The following HBP1 variants were observed in gnomAD, a reference collection of about 807,000 sequenced individuals.
HBP1 encodes the protein HMG box-containing protein 1.
HBP1 carries 20 observed loss-of-function variants against 62.6 expected under a neutral mutation model. That is an observed-to-expected ratio of 0.32 (90% CI 0.22 to 0.46). The LOEUF is 0.46. HBP1 is among the 20% of genes least tolerant of loss of function. The probability of loss-of-function intolerance (pLI) is 1.00; values close to 1 mark genes in which losing one functional copy is unlikely to be tolerated. For synonymous variants in HBP1, 232 were observed against 206.2 expected (o/e 1.12, Z -1.07); for missense variants, 480 against 611.8 (o/e 0.78, Z 2.27).
rs145130447 is a variant in HBP1 at position 107,180,417 on chromosome 7, A to C, written c.169+355A>C. ...TCTTCGTGGCAGATTTGCTGGTATG[A>C]TGTGGAAATTACAGTGGACCCTTGA... On this transcript the variant is annotated intron_variant, in intron 2 of 10. Coordinates refer to ENST00000222574, the MANE Select transcript of HBP1 (RefSeq NM_012257.4). Among the ~76,000 whole-genome samples the C allele has an allele frequency of 1.6e-3, 237 of 152,352 alleles. 1 individual carries two copies. Among genetic ancestry groups the C allele is most frequent in the African/African-American group, 5.3e-3 (222 of 41,578 alleles).
At chr7:107,192,374 A>G (rs1411605779) in intron 8 of HBP1, among the ~76,000 whole-genome samples, 2 of 151,996 alleles carry the variant, frequency 1.3e-5, no homozygotes, top group African/African-American at 2.4e-5. Flanking sequence ...GAAACACTGT[A>G]TCTTATATAT....
At chr7:107,195,153 C>G (rs554084950) in intron 8 of HBP1, among the ~76,000 whole-genome samples, 1 of 152,322 alleles carries the variant, frequency 6.6e-6, no homozygotes, top group South Asian at 2.1e-4. Flanking sequence ...ACCCGAATAG[C>G]TGGGATTACA....
chr7:107,174,479 A>T, intron 1 of HBP1: 1 of 985,378 alleles, frequency 1.0e-6, no homozygotes, highest in Non-Finnish European at 1.2e-6. Context: ...TAACTAAGAC[A>T]AAGTGCTGAA....
intron 8 of HBP1, chr7:107,193,025 T>A (rs1797728541): frequency 6.6e-6 from 1 of 152,132 alleles, no homozygotes; most frequent in Admixed American, 6.5e-5. Flanking sequence ...GACATGTGAG[T>A]AGTTTCTAGC....
intron 8 of HBP1, chr7:107,192,775 T>A (rs1441570259): frequency 6.6e-6 from 1 of 152,140 alleles, no homozygotes; most frequent in African/African-American, 2.4e-5. Flanking sequence ...TACTGTTGAG[T>A]GACTTCAATA....
Position 107,189,447 on chromosome 7 carries a change from AG to A in HBP1, c.922+1del. The part of the protein sequence containing the change: ...LDHPFYVKNK[G>X]WSSFYPSLTV... Reference sequence around the variant, plus strand: ...ACCACCCTTTCTATGTTAAAAATAAAGGTAGGGCTTGAATTGCATTTGTAGT... The same window carrying A: ...ACCACCCTTTCTATGTTAAAAATAAAGTAGGGCTTGAATTGCATTTGTAGT... On this transcript the variant is annotated frameshift_variant and splice_region_variant, in exon 7 of 11. Transcript: ENST00000222574. LOFTEE classifies it high-confidence loss of function. 6.2e-7 allele frequency: 1 copy of A among 1,602,548 alleles called. No individual in the cohort carries two copies. The highest frequency in any genetic ancestry group is 8.5e-7 in the Non-Finnish European group (1 of 1,173,950).
Position 107,186,414 on chromosome 7 carries a change from T to C in HBP1, c.594T>C (p.Asp198=). 1 of 1,613,654 alleles carries C rather than the reference T, an allele frequency of 6.2e-7. No homozygotes were observed. The highest frequency in any genetic ancestry group is 2.2e-5 in the East Asian group (1 of 44,864). The change falls in exon 5 of 11, where the codon GAT becomes GAC. Residue 198 remains aspartate (D), a synonymous_variant. Transcript: ENST00000222574. The part of the protein sequence containing the change: ...GIFCMSSLSD[D]DDLGWCNSWP... The stretch of plus-strand genomic sequence containing the variant: ...TCTGCATGTCCTCCCTGTCAGATGA[T>C]GATGATTTGGGATGGTGCAATTCCT...
intron 1 of HBP1, among the ~76,000 whole-genome samples, chr7:107,176,387 T>C (rs1796852888): frequency 6.6e-6 from 1 of 152,220 alleles, no homozygotes; most frequent in Non-Finnish European, 1.5e-5. Flanking sequence ...CATTTGCTTA[T>C]ATCTTTCCAC....
At chr7:107,182,737 AATG>A (rs1797169193) in intron 3 of HBP1, 136 bp downstream of exon 3, 1 of 572,960 alleles carries the variant, frequency 1.7e-6, no homozygotes, top group African/African-American at 1.9e-5. Context: ...CTCCTTATCT[AATG>A]ATCAAAGACT....
chr7:107,193,930 G>A (rs1471361878), intron 8 of HBP1, among the ~76,000 whole-genome samples: 2 of 152,172 alleles, frequency 1.3e-5, no homozygotes, highest in Admixed American at 6.5e-5. Context: ...ATGTGACATG[G>A]TTAATAGGCA....
At chr7:107,178,757 G>A (rs1188528589) in intron 1 of HBP1, among the ~76,000 whole-genome samples, 1 of 152,098 alleles carries the variant, frequency 6.6e-6, no homozygotes, top group South Asian at 2.1e-4. Flanking sequence ...TTTTGGCCAG[G>A]TGCGGTGGCT....
At chr7:107,181,382 G>A (rs1439428187) in intron 2 of HBP1, among the ~76,000 whole-genome samples, 1 of 152,070 alleles carries the variant, frequency 6.6e-6, no homozygotes, top group Non-Finnish European at 1.5e-5. Flanking sequence ...AGAGGCGTGA[G>A]GATCATTTGA....
At chr7:107,192,830 TATC>T (rs1385087782) in intron 8 of HBP1, 1 of 152,176 alleles carries the variant, frequency 6.6e-6, no homozygotes, top group Non-Finnish European at 1.5e-5. Flanking sequence ...AAATGGGTGG[TATC>T]ATCATGGAGA....
chr7:107,194,389 G>T (rs1797788191), intron 8 of HBP1, among the ~76,000 whole-genome samples: 2 of 152,192 alleles, frequency 1.3e-5, no homozygotes, highest in African/African-American at 4.8e-5. Context: ...TTATGTATGG[G>T]AGGGGCTGAA....
intron 4 of HBP1, 28 bp from the exon 5 acceptor site, chr7:107,186,333 A>C: frequency 1.5e-6 from 2 of 1,328,456 alleles, no homozygotes; most frequent in Non-Finnish European, 2.1e-6. Flanking sequence ...AAAACAAATA[A>C]AAAAGTTGAT....
intron 9 of HBP1, chr7:107,197,268 TATC>T (rs1163600350): frequency 6.6e-6 from 1 of 152,236 alleles, no homozygotes; most frequent in Non-Finnish European, 1.5e-5. Flanking sequence ...TTTATCTTGA[TATC>T]ATGAGAAAAG....
chr7:107,189,613 C>T (rs912915005), intron 7 of HBP1, among the ~76,000 whole-genome samples, 165 bp downstream of exon 7: 6 of 152,016 alleles, frequency 3.9e-5, no homozygotes, highest in African/African-American at 7.2e-5. Context: ...CCTAATGGTG[C>T]GTAAGTATCT....
At chr7:107,201,252 G>T (rs905104837) in intron 10 of HBP1, 162 bp from the exon 11 acceptor site, 3 of 473,368 alleles carry the variant, frequency 6.3e-6, no homozygotes, top group African/African-American at 2.0e-5. Flanking sequence ...TTTTCTGGAT[G>T]CTTGAGCCAT....
intron 9 of HBP1, among the ~76,000 whole-genome samples, chr7:107,198,572 C>CT (rs1276654019): frequency 1.3e-5 from 2 of 152,150 alleles, no homozygotes; most frequent in African/African-American, 2.4e-5. Flanking sequence ...AATCAATCAT[C>CT]TAACATTGAG....
Sources: allele counts gnomAD v4.1 joint callset (sites outside exome capture counted in the v4.1 genomes callset), GRCh38; gene constraint gnomAD v4.1.1; transcripts MANE v1.5; gene names NCBI Gene and HGNC (gene_info 2026-07-23, HGNC 2026-07-21).